The following RBMS3 variants were observed in gnomAD, a reference collection of about 807,000 sequenced individuals.
The protein encoded by RBMS3 is RNA binding motif single stranded interacting protein 3.
Under a neutral mutation model 66.8 loss-of-function variants are expected in RBMS3, and 27 were observed. The observed-to-expected ratio is 0.40, with a 90% CI of 0.30 to 0.56. The LOEUF (loss-of-function observed/expected upper bound fraction) is 0.56, where lower values mean the gene tolerates loss of function less well. Ranked by LOEUF, RBMS3 falls within the 20% of genes least tolerant of loss-of-function variation. The probability of loss-of-function intolerance (pLI) is 0.40; values close to 1 mark genes in which losing one functional copy is unlikely to be tolerated. For synonymous variants in RBMS3, 188 were observed against 183.0 expected, an observed-to-expected ratio of 1.03 and a Z score of -0.22; for missense variants, 513 against 549.5, an observed-to-expected ratio of 0.93 and a Z score of 0.66.
At chr3:29,682,572 T>C (rs2051545400) in intron 4 of RBMS3, among the ~76,000 whole-genome samples, 1 of 152,166 alleles carries the variant, frequency 6.6e-6, no homozygotes, top group African/African-American at 2.4e-5. Flanking sequence ...TCTTACAGTT[T>C]TTGCCACAGG....
chr3:29,664,613 A>T (rs2050681870), intron 4 of RBMS3, among the ~76,000 whole-genome samples: 1 of 152,222 alleles, frequency 6.6e-6, no homozygotes, highest in Non-Finnish European at 1.5e-5. Flanking sequence ...TAAGCATTAT[A>T]CAAAAAAATA....
chr3:29,769,865 C>G (rs1285886058), intron 6 of RBMS3, among the ~76,000 whole-genome samples: 1 of 151,680 alleles, frequency 6.6e-6, no homozygotes, highest in Admixed American at 6.6e-5. Context: ...TGAGGAAAAT[C>G]TTAAAATATT....
chr3:29,944,164 T>G (rs1406891247), intron 11 of RBMS3, 43 bp from the exon 12 acceptor site: 2 of 1,515,314 alleles, frequency 1.3e-6, no homozygotes, highest in Admixed American at 3.4e-5. Flanking sequence ...TTATTTTCTT[T>G]TGTACTTCAT....
intron 1 of RBMS3, among the ~76,000 whole-genome samples, chr3:29,336,412 A>G (rs1356341147): frequency 6.6e-6 from 1 of 152,088 alleles, no homozygotes; most frequent in Non-Finnish European, 1.5e-5. Context: ...CTCAATCAAG[A>G]TCTACTGACA....
intron 4 of RBMS3, among the ~76,000 whole-genome samples, chr3:29,663,491 T>C (rs2050634973): frequency 6.6e-6 from 1 of 152,248 alleles, no homozygotes; most frequent in South Asian, 2.1e-4. Context: ...ATGAACTTTC[T>C]TTTCTGATTC....
chr3:29,664,106 T>C (rs923509773), intron 4 of RBMS3, among the ~76,000 whole-genome samples: 2 of 152,166 alleles, frequency 1.3e-5, no homozygotes, highest in African/African-American at 4.8e-5. Context: ...ACTTTTCAGA[T>C]GGAAAGAGAA....
intron 4 of RBMS3, among the ~76,000 whole-genome samples, chr3:29,623,174 G>GGA (rs2048935315): frequency 1.1e-5 from 1 of 94,936 alleles, no homozygotes; most frequent in Admixed American, 1.0e-4. Context: ...ATTAACTTGG[G>GGA]GGGGGGGGTC....
intron 1 of RBMS3, among the ~76,000 whole-genome samples, chr3:29,418,201 A>G (rs80271671): frequency 0.011 from 1,675 of 152,278 alleles, 33 homozygotes; most frequent in African/African-American, 0.036. Context: ...AAGAAGTTCA[A>G]AGTAAATGGA....
chr3:29,701,666 C>G (rs377460945), intron 4 of RBMS3, among the ~76,000 whole-genome samples: 2 of 151,966 alleles, frequency 1.3e-5, no homozygotes, highest in Admixed American at 6.5e-5. Flanking sequence ...GGCCCGCACT[C>G]GGAGAGGCTG....
chr3:29,368,137 A>G (rs368770535), intron 1 of RBMS3, among the ~76,000 whole-genome samples: 1 of 152,174 alleles, frequency 6.6e-6, no homozygotes, highest in East Asian at 1.9e-4. Flanking sequence ...GTGGCCATCA[A>G]TTTAGTTGAC....
intron 4 of RBMS3, among the ~76,000 whole-genome samples, chr3:29,687,283 C>T (rs2051776454): frequency 6.6e-6 from 1 of 152,168 alleles, no homozygotes; most frequent in South Asian, 2.1e-4. Flanking sequence ...CTGTTTAATC[C>T]AACCCCTTTA....
intron 6 of RBMS3, among the ~76,000 whole-genome samples, chr3:29,787,474 TA>T (rs35437411): frequency 0.096 from 14,565 of 152,216 alleles, 773 homozygotes; most frequent in East Asian, 0.15. Context: ...AAATGTGGTA[TA>T]TATACGCTGT....
chr3:29,299,472 A>G (rs1348185930), intron 1 of RBMS3, among the ~76,000 whole-genome samples: 5 of 151,944 alleles, frequency 3.3e-5, no homozygotes, highest in African/African-American at 1.2e-4. Context: ...TTTTAATAAA[A>G]TGCCTACATT....
intron 1 of RBMS3, among the ~76,000 whole-genome samples, chr3:29,296,892 A>G (rs1021016826): frequency 2.6e-4 from 40 of 151,336 alleles, no homozygotes; most frequent in African/African-American, 9.0e-4. Flanking sequence ...TTTTTTTTTA[A>G]ACACTTTAGT....
intron 6 of RBMS3, among the ~76,000 whole-genome samples, chr3:29,807,791 GGT>G (rs141326804): frequency 0.093 from 13,849 of 148,490 alleles, 868 homozygotes; most frequent in African/African-American, 0.18. Flanking sequence ...TATGTGAAGG[GGT>G]GTGTGTGTGT....
chr3:29,447,529 A>G (rs183869620), intron 2 of RBMS3, among the ~76,000 whole-genome samples: 1 of 152,260 alleles, frequency 6.6e-6, no homozygotes, highest in African/African-American at 2.4e-5. Flanking sequence ...TCTGTTCCAA[A>G]GTTTCTCTTT....
chr3:29,323,996 G>GA (rs34678893), intron 1 of RBMS3, among the ~76,000 whole-genome samples: 16 of 145,500 alleles, frequency 1.1e-4, no homozygotes, highest in Non-Finnish European at 1.8e-4. Context: ...TGCCCACTCT[G>GA]AAAAAAAAAA....
chr3:29,905,648 A>C (rs985617350), intron 10 of RBMS3, among the ~76,000 whole-genome samples: 4 of 152,110 alleles, frequency 2.6e-5, no homozygotes, highest in African/African-American at 9.7e-5. Flanking sequence ...AACTGACAAT[A>C]CCTTAATCAG....
intron 1 of RBMS3, among the ~76,000 whole-genome samples, chr3:29,345,724 G>C (rs1299818037): frequency 6.6e-6 from 1 of 152,170 alleles, no homozygotes; most frequent in East Asian, 1.9e-4. Context: ...GATGTTTTAA[G>C]GGACAGACTG....
Sources: gnomAD v4.1 joint callset for allele counts (sites outside exome capture counted in the v4.1 genomes callset) on GRCh38, gnomAD v4.1.1 for gene constraint, MANE v1.5 for transcripts, NCBI Gene and HGNC (gene_info 2026-07-23, HGNC 2026-07-21) for gene names.